TCF4: variants seen among roughly 807,000 people sequenced by gnomAD.
TCF4 encodes the protein SL3-3 enhancer factor 2.
In TCF4, 3 loss-of-function variants were observed where a neutral mutation model predicts 82.1. The observed-to-expected ratio is 0.04, with a 90% CI of 0.02 to 0.09. The LOEUF (loss-of-function observed/expected upper bound fraction) is 0.09. TCF4 is among the 10% of genes least tolerant of loss of function. TCF4 has a pLI of 1.00. For synonymous variants in TCF4, 276 were observed against 309.6 expected (o/e 0.89, Z 1.14); for missense variants, 518 against 852.7 (o/e 0.61, Z 4.89).
At chr18:55,437,022 A>T (rs7228159) in intron 5 of TCF4, among the ~76,000 whole-genome samples, 92,034 of 152,096 alleles carry the variant, frequency 0.61, 28,567 homozygotes, top group Non-Finnish European at 0.66. Flanking sequence ...TACAACCAAT[A>T]TTGAAGCTAA....
intron 11 of TCF4, among the ~76,000 whole-genome samples, chr18:55,263,009 T>C (rs1450619588): frequency 6.6e-6 from 1 of 152,140 alleles, no homozygotes; most frequent in African/African-American, 2.4e-5. Context: ...TTTCACCATG[T>C]TGGTCAGGCT....
intron 8 of TCF4, among the ~76,000 whole-genome samples, chr18:55,286,801 C>G (rs532025057): frequency 6.6e-6 from 1 of 152,264 alleles, no homozygotes; most frequent in Non-Finnish European, 1.5e-5. Context: ...TCCTCCTTCA[C>G]GTCCAAGTGA....
chr18:55,529,723 A>G (rs988730519), intron 3 of TCF4, among the ~76,000 whole-genome samples: 5 of 152,218 alleles, frequency 3.3e-5, no homozygotes, highest in Admixed American at 2.6e-4. Flanking sequence ...CGATGGCTAC[A>G]GTAACACATT....
In TCF4 at chr18:55,275,710, A is replaced by G. The variant is rs1391010086; in HGVS notation, c.698T>C (p.Met233Thr). The change falls in exon 10 of 20, where the codon ATG (methionine) becomes ACG (threonine). Residue 233 changes from methionine to threonine, a missense_variant. By Grantham distance (81) the Met-to-Thr change is moderately conservative. Transcript: ENST00000354452. ...CATTCCTGCATAGCCAGGCTGATTC[A>G]TCCCACTGGAGGAGCTCCAAGGGTC... ...SSDPWSSSSGMNQPGYAGMLG... is the reference protein window; with the variant it reads ...SSDPWSSSSGTNQPGYAGMLG... The G allele has an allele frequency of 1.9e-6, 3 of 1,613,798 alleles. No individual in the cohort carries two copies. Among genetic ancestry groups the G allele is most frequent in the Non-Finnish European group, 1.7e-6 (2 of 1,179,818 alleles).
chr18:55,228,239 T>G lies in TCF4; in HGVS notation c.2002A>C (p.Met668Leu). ...HPGMGDASNH[M>L]GQM ...AACTTGCCCTTTTACATCTGTCCCA[T>G]GTGATTCGATGCGTCTCCCATTCCA... The change falls in exon 19 of 20, where the codon ATG becomes CTG. Residue 668 changes from methionine to leucine, a missense_variant. By Grantham distance (15) the Met-to-Leu change is conservative. Transcript: ENST00000354452. The G allele has an allele frequency of 6.2e-7, 1 of 1,614,156 alleles. No individual in the cohort carries two copies. Among genetic ancestry groups the G allele is most frequent in the Non-Finnish European group, 8.5e-7 (1 of 1,180,002 alleles).
At chr18:55,515,400 C>G (rs2096871599) in intron 3 of TCF4, among the ~76,000 whole-genome samples, 7 of 152,176 alleles carry the variant, frequency 4.6e-5, no homozygotes, top group Admixed American at 4.6e-4. Context: ...AAGACATGAT[C>G]CTGACCACTC....
chr18:55,565,238 T>C (rs2097393960), intron 3 of TCF4, among the ~76,000 whole-genome samples: 1 of 151,758 alleles, frequency 6.6e-6, no homozygotes, highest in Non-Finnish European at 1.5e-5. Context: ...AAATCAGAAT[T>C]CTGCTTCCAA....
At chr18:55,589,411 T>G, upstream of TCF4, 14 of 1,056,156 alleles carry the variant, frequency 1.3e-5, no homozygotes, top group Non-Finnish European at 1.6e-5. Flanking sequence ...AAAAGTATTT[T>G]AACTGGTACT....
chr18:55,330,483 G>C (rs1008008672), intron 8 of TCF4, among the ~76,000 whole-genome samples: 11 of 151,198 alleles, frequency 7.3e-5, no homozygotes, highest in African/African-American at 2.7e-4. Context: ...TGGCATGTTG[G>C]ATATCTTTAA....
intron 2 of TCF4, among the ~76,000 whole-genome samples, chr18:55,622,036 T>C (rs999873357): frequency 1.8e-4 from 25 of 136,194 alleles, no homozygotes; most frequent in African/African-American, 6.9e-4. Context: ...ATATATTATA[T>C]ATACACTATA....
intron 8 of TCF4, chr18:55,320,812 T>C (rs531325048): frequency 1.3e-5 from 2 of 152,506 alleles, no homozygotes; most frequent in East Asian, 3.9e-4. Flanking sequence ...CAACAACTCT[T>C]CCCGAGAGCC....
chr18:55,330,851 G>A (rs1415697724), intron 8 of TCF4, among the ~76,000 whole-genome samples: 1 of 152,192 alleles, frequency 6.6e-6, no homozygotes, highest in Non-Finnish European at 1.5e-5. Context: ...ACAGACGTGA[G>A]CAACTGCCTG....
intron 3 of TCF4, among the ~76,000 whole-genome samples, chr18:55,503,948 G>A (rs957974321): frequency 1.3e-5 from 2 of 152,138 alleles, no homozygotes; most frequent in Admixed American, 6.5e-5. Flanking sequence ...GGTGGCACAT[G>A]CCTGTAGTCC....
At chr18:55,270,062 A>G (rs985972375) in intron 10 of TCF4, 99 bp from the exon 11 acceptor site, 4 of 1,489,676 alleles carry the variant, frequency 2.7e-6, no homozygotes, top group South Asian at 2.3e-5. Flanking sequence ...TTTACAATGG[A>G]GACAGCTTTT....
At chr18:55,619,625 T>G (rs1478532346) in intron 2 of TCF4, among the ~76,000 whole-genome samples, 1 of 152,250 alleles carries the variant, frequency 6.6e-6, no homozygotes, top group African/African-American at 2.4e-5. Context: ...GGGATATAGT[T>G]TTAAAAAGTG....
At chr18:55,292,994 T>C (rs1378630264) in intron 8 of TCF4, among the ~76,000 whole-genome samples, 1 of 152,180 alleles carries the variant, frequency 6.6e-6, no homozygotes, top group East Asian at 1.9e-4. Flanking sequence ...AACTGCTTAA[T>C]GGATACAGAG....
chr18:55,238,673 G>A (rs1287309336), intron 15 of TCF4, among the ~76,000 whole-genome samples: 2 of 151,932 alleles, frequency 1.3e-5, no homozygotes, highest in African/African-American at 2.4e-5. Flanking sequence ...GCCACTCCTC[G>A]CCTCTGCTGG....
intron 3 of TCF4, among the ~76,000 whole-genome samples, chr18:55,504,378 T>G (rs935145208): frequency 6.6e-6 from 1 of 152,236 alleles, no homozygotes; most frequent in African/African-American, 2.4e-5. Flanking sequence ...TACCAGTAAC[T>G]TTTGTGGCAC....
intron 3 of TCF4, among the ~76,000 whole-genome samples, chr18:55,480,141 C>T (rs1040137352): frequency 6.6e-6 from 1 of 151,972 alleles, no homozygotes; most frequent in African/African-American, 2.4e-5. Context: ...TTCTGAAGAA[C>T]ATCTTTAACA....
Sources: gnomAD v4.1 joint callset for allele counts (sites outside exome capture counted in the v4.1 genomes callset) on GRCh38, gnomAD v4.1.1 for gene constraint, MANE v1.5 for transcripts, NCBI Gene and HGNC (gene_info 2026-07-23, HGNC 2026-07-21) for gene names.